The following SUN3 variants were observed in gnomAD, a reference collection of about 807,000 sequenced individuals.
SUN3 encodes the protein Sad1 and UNC84 domain containing 3.
In SUN3, 36 loss-of-function variants were observed where a neutral mutation model predicts 48.2. The ratio of observed to expected loss-of-function variants is 0.75; its 90% CI spans 0.57 to 0.99. SUN3 has a LOEUF of 0.99. Ranked by LOEUF, SUN3 falls within the 50% of genes least tolerant of loss-of-function variation. SUN3 has a pLI of 0.00. For synonymous variants in SUN3, 148 were observed against 147.9 expected (o/e 1.00, Z 0.00); for missense variants, 419 against 433.1 (o/e 0.97, Z 0.29).
At chr7:48,001,535 T>C (rs997037584) in intron 6 of SUN3, among the ~76,000 whole-genome samples, 2 of 142,102 alleles carry the variant, frequency 1.4e-5, no homozygotes, top group Non-Finnish European at 3.1e-5. Context: ...TTTTTTGTTT[T>C]TTTTTTTTTT....
intron 6 of SUN3, among the ~76,000 whole-genome samples, chr7:48,001,747 A>G (rs1789383173): frequency 6.6e-6 from 1 of 152,108 alleles, no homozygotes; most frequent in African/African-American, 2.4e-5. Flanking sequence ...CGCGTTAGCC[A>G]GGATGGTCTC....
chr7:48,017,251 C>T lies in SUN3; in HGVS notation c.288+11G>A, dbSNP rs1238578346. ...ATGAGTGATATACAAAATTACTTAA[C>T]AAAATATCACCTGATATTTATAAAG... On this transcript the variant is annotated intron_variant, in intron 3 of 9. Coordinates refer to ENST00000297325, the MANE Select transcript of SUN3 (RefSeq NM_001030019.2). 6 of 1,459,594 alleles carry T rather than the reference C, an allele frequency of 4.1e-6. No individual in the cohort carries two copies. Among genetic ancestry groups the T allele is most frequent in the African/African-American group, 1.4e-5 (1 of 70,772 alleles). 90.4% of individuals were successfully genotyped at this position (1,459,594 alleles called of 1,614,324 possible). A position where few individuals can be genotyped will look rare whatever the true frequency, so the allele number is the denominator to read the frequency against.
chr7:48,000,518 A>C (rs1398494406), intron 6 of SUN3, among the ~76,000 whole-genome samples: 1 of 152,194 alleles, frequency 6.6e-6, no homozygotes, highest in East Asian at 1.9e-4. Context: ...TGTCATTTCT[A>C]TTGAGCTGAA....
Position 48,029,027 on chromosome 7 carries a change from A to G in SUN3, c.-89T>C. 1 of 1,561,308 alleles carries G rather than the reference A, an allele frequency of 6.4e-7. No individual in the cohort carries two copies. Among genetic ancestry groups the G allele is most frequent in the Non-Finnish European group, 8.6e-7 (1 of 1,156,284 alleles). The stretch of plus-strand genomic sequence containing the variant: ...TTATGAAAAACATGAAGCTATACAT[A>G]CAGTTTCTAAATTTGTTTTGTATAA... On this transcript the variant is annotated 5_prime_UTR_variant, in exon 1 of 10. Coordinates refer to ENST00000297325, the MANE Select transcript of SUN3 (RefSeq NM_001030019.2).
chr7:48,020,510 T>A (rs1346538824), intron 2 of SUN3, among the ~76,000 whole-genome samples: 1 of 152,100 alleles, frequency 6.6e-6, no homozygotes, highest in Non-Finnish European at 1.5e-5. Flanking sequence ...CAAACTGCAA[T>A]GAAAGAAGTT....
intron 7 of SUN3, 22 bp from the exon 8 acceptor site, chr7:47,994,504 A>G: frequency 1.3e-6 from 2 of 1,582,944 alleles, no homozygotes; most frequent in Non-Finnish European, 1.7e-6. Context: ...ACACTGAATT[A>G]ATCTCTTAAC....
intron 5 of SUN3, 108 bp downstream of exon 5, chr7:48,007,057 A>G: frequency 3.6e-6 from 4 of 1,124,816 alleles, no homozygotes; most frequent in Non-Finnish European, 5.0e-6. Context: ...TCCCACTGGG[A>G]GAAGAAGCAG....
At chr7:48,015,298 T>C (rs1372299850) in intron 3 of SUN3, among the ~76,000 whole-genome samples, 1 of 152,118 alleles carries the variant, frequency 6.6e-6, no homozygotes, top group East Asian at 1.9e-4. Context: ...CTCTGTGGGG[T>C]TTCCAGGTAG....
rs112015608 is a variant in SUN3, at chr7:47,988,901, A to G, written c.862-21T>C. The G allele has an allele frequency of 3.2e-5, 46 of 1,415,780 alleles. No individual in the cohort carries two copies. In the African/African-American group the frequency reaches 5.4e-4, roughly 17 times the overall value. 87.7% of individuals were successfully genotyped at this position (1,415,780 alleles called of 1,614,324 possible). ...ATGCCCTATAAAGAAAGCAACAGAT[A>G]TAGAGATTGTAATGAATGGATGCAG... On this transcript the variant is annotated intron_variant, in intron 8 of 9. Transcript: ENST00000297325.
rs1228273566 is a variant in SUN3, at chr7:48,017,390, A to G, written c.185-25T>C. 2.3e-6 allele frequency: 3 copies of G among 1,281,522 alleles called. No individual in the cohort carries two copies. The African/African-American group carries it at 4.4e-5, about 19-fold the overall frequency. The allele number at this position is 1,281,522 out of a possible 1,614,324, so 79.4% of individuals were successfully genotyped here. On this transcript the variant is annotated intron_variant, in intron 2 of 9. Transcript: ENST00000297325. Reference sequence around the variant, plus strand: ...CCTGTTAAAGAAAAGACAAACTTTGATTAAAGAGTTTCTCTGGAAACATAA... The same window carrying G: ...CCTGTTAAAGAAAAGACAAACTTTGGTTAAAGAGTTTCTCTGGAAACATAA...
At chr7:48,010,088 GACAC>G (rs919574646) in intron 3 of SUN3, among the ~76,000 whole-genome samples, 1 of 151,646 alleles carries the variant, frequency 6.6e-6, no homozygotes, top group African/African-American at 2.4e-5. Flanking sequence ...CCCAGCATGA[GACAC>G]ACACACACAA....
Position 48,028,959 on chromosome 7 carries a change from A to G in SUN3, c.-21T>C, listed in dbSNP as rs764512849. 3.1e-6 allele frequency: 5 copies of G among 1,613,542 alleles called. No homozygotes were observed. The East Asian group carries it at 1.1e-4, about 36-fold the overall frequency. ...CTCATGATCCCCTACCAAAGAACAAACAGCTGGTAGGATGAAGAGCAACAT... is the reference window on the plus strand; with the variant it reads ...CTCATGATCCCCTACCAAAGAACAAGCAGCTGGTAGGATGAAGAGCAACAT... On this transcript the variant is annotated 5_prime_UTR_variant, in exon 1 of 10. Coordinates refer to ENST00000297325, the MANE Select transcript of SUN3 (RefSeq NM_001030019.2).
chr7:48,028,422 C>A lies in SUN3; in HGVS notation c.122+395G>T, dbSNP rs149920941. Reference sequence around the variant, plus strand: ...ATAAATGCCACTCTGTGCCCAGAGTCCTGAGCCCGGTGCTAAGCTCTGCAT... The same window carrying A: ...ATAAATGCCACTCTGTGCCCAGAGTACTGAGCCCGGTGCTAAGCTCTGCAT... On this transcript the variant is annotated intron_variant, in intron 1 of 9. Coordinates refer to ENST00000297325, the MANE Select transcript of SUN3 (RefSeq NM_001030019.2). 3.8e-4 allele frequency among the ~76,000 whole-genome samples: 52 copies of A among 137,346 alleles called. No homozygotes were observed. The East Asian group carries it at 0.01, about 27-fold the overall frequency. The allele number at this position is 137,346 out of a possible 152,430, so 90.1% of individuals were successfully genotyped here.
the SUN3 span, among the ~76,000 whole-genome samples, chr7:48,035,317 G>T: frequency 1.4e-5 from 2 of 138,960 alleles, no homozygotes; most frequent in South Asian, 2.5e-4. The surrounding 1 kb of genome is among the most constrained non-coding windows in gnomAD (Gnocchi z 4.0). Flanking sequence ...GCTGCGTCCC[G>T]CCCGGTTCCC....
At chr7:48,034,540 A>G in the SUN3 span, among the ~76,000 whole-genome samples, 1 of 152,220 alleles carries the variant, frequency 6.6e-6, no homozygotes, top group Non-Finnish European at 1.5e-5. Context: ...GTATCAACTT[A>G]TCCCCTCAAA....
chr7:48,001,076 C>A (rs1281338070), intron 6 of SUN3, among the ~76,000 whole-genome samples: 1 of 151,946 alleles, frequency 6.6e-6, no homozygotes. Flanking sequence ...CTATCTTCAA[C>A]TTCACTACTT....
rs1211641997 is a variant in SUN3 at position 48,017,296 on chromosome 7, A to G, written c.254T>C (p.Ile85Thr). The G allele has an allele frequency of 6.2e-7, 1 of 1,607,300 alleles. No individual in the cohort carries two copies. The highest frequency in any genetic ancestry group is 8.5e-7 in the Non-Finnish European group (1 of 1,175,368). ...PQKSRQLYAIIAEYGSRLYKY... is the reference protein window; with the variant it reads ...PQKSRQLYAITAEYGSRLYKY... Reference sequence around the variant, plus strand: ...ATAAAGCCTTGAACCATATTCTGCAATTATGGCATATAATTGTCTGGATTT... The same window carrying G: ...ATAAAGCCTTGAACCATATTCTGCAGTTATGGCATATAATTGTCTGGATTT... Residue 85 changes from isoleucine (I) to threonine (T), a missense_variant, in exon 3 of 10, where the codon ATT (isoleucine) becomes ACT (threonine). Coordinates refer to ENST00000297325, the MANE Select transcript of SUN3 (RefSeq NM_001030019.2).
intron 3 of SUN3, among the ~76,000 whole-genome samples, chr7:48,014,100 G>T (rs1036721331): frequency 3.3e-5 from 5 of 152,140 alleles, no homozygotes; most frequent in Non-Finnish European, 7.3e-5. Flanking sequence ...AGAGTAGCTG[G>T]TACTACAGGC....
At chr7:48,024,127 A>G (rs552975631) in intron 2 of SUN3, among the ~76,000 whole-genome samples, 30 of 152,084 alleles carry the variant, frequency 2.0e-4, no homozygotes, top group Non-Finnish European at 3.7e-4. Context: ...AAACCAGAAA[A>G]CTCTTTTAAA....
Sources: gnomAD v4.1 joint callset for allele counts (sites outside exome capture counted in the v4.1 genomes callset) on GRCh38, gnomAD v4.1.1 for gene constraint, Gnocchi (gnomAD v3.1) non-coding constraint, MANE v1.5 for transcripts, NCBI Gene and HGNC (gene_info 2026-07-23, HGNC 2026-07-21) for gene names.